Variants in ATG10 observed in about 807,000 individuals in gnomAD.
The protein encoded by ATG10 is ubiquitin-like-conjugating enzyme ATG10.
A neutral mutation model predicts 32.1 loss-of-function variants in ATG10; 30 were observed. The observed-to-expected ratio is 0.94, with a 90% CI of 0.70 to 1.27. The LOEUF (loss-of-function observed/expected upper bound fraction) is 1.27, where lower values mean the gene tolerates loss of function less well. Ranked by LOEUF, ATG10 falls within the 50% of genes most tolerant of loss-of-function variation. The probability of loss-of-function intolerance (pLI) is 0.00; values close to 1 mark genes in which losing one functional copy is unlikely to be tolerated. For synonymous variants in ATG10, 87 were observed against 91.5 expected, an observed-to-expected ratio of 0.95 and a Z score of 0.28; for missense variants, 233 against 262.3, an observed-to-expected ratio of 0.89 and a Z score of 0.77.
chr5:82,189,962 C>T (rs1581785830), intron 5 of ATG10, among the ~76,000 whole-genome samples: 1 of 152,072 alleles, frequency 6.6e-6, no homozygotes, highest in East Asian at 1.9e-4. Flanking sequence ...GATACTTGCT[C>T]CATAGTTAAT....
intron 3 of ATG10, among the ~76,000 whole-genome samples, chr5:82,125,911 G>A (rs943302401): frequency 2.0e-5 from 3 of 152,164 alleles, no homozygotes; most frequent in African/African-American, 7.2e-5. Flanking sequence ...CCATGAGCAT[G>A]GAATGTTTTT....
chr5:82,082,155 G>C (rs4703867), intron 3 of ATG10, among the ~76,000 whole-genome samples: 52,490 of 151,938 alleles, frequency 0.35, 10,416 homozygotes, highest in East Asian at 0.76. Context: ...GAGATTTGGG[G>C]GGGGGGACAC....
intron 3 of ATG10, among the ~76,000 whole-genome samples, chr5:82,110,369 T>C (rs914536547): frequency 2.6e-5 from 4 of 152,088 alleles, no homozygotes; most frequent in African/African-American, 2.4e-5. Flanking sequence ...CCTGAGGCAT[T>C]GCCACACTGT....
chr5:82,198,902 T>C (rs1242156504), intron 5 of ATG10, among the ~76,000 whole-genome samples: 1 of 152,236 alleles, frequency 6.6e-6, no homozygotes, highest in Non-Finnish European at 1.5e-5. Flanking sequence ...GAGCATGATA[T>C]ACAGTAAACA....
chr5:82,211,829 T>C (rs556574825), intron 5 of ATG10, among the ~76,000 whole-genome samples: 1 of 152,350 alleles, frequency 6.6e-6, no homozygotes, highest in South Asian at 2.1e-4. Flanking sequence ...TGTTACCACC[T>C]CCACATCTCA....
intron 2 of ATG10, among the ~76,000 whole-genome samples, chr5:82,003,804 G>A (rs1242182057): frequency 1.3e-5 from 2 of 152,168 alleles, no homozygotes; most frequent in African/African-American, 4.8e-5. Flanking sequence ...CTGATTTGAT[G>A]AGGGAAAGTC....
chr5:82,118,348 TATATAC>T (rs1442759553), intron 3 of ATG10, among the ~76,000 whole-genome samples: 8 of 137,722 alleles, frequency 5.8e-5, no homozygotes, highest in Non-Finnish European at 1.2e-4. Context: ...ATACATATAA[TATATAC>T]ATATATATAC....
In ATG10 at chr5:82,096,559, G is replaced by T. The variant is rs189768770; in HGVS notation, c.216+37957G>T. Among the ~76,000 whole-genome samples, 807 of 152,238 alleles carry T rather than the reference G, an allele frequency of 5.3e-3. 2 individuals are homozygous for T. Among genetic ancestry groups the T allele is most frequent in the Non-Finnish European group, 9.1e-3 (620 of 68,018 alleles). On this transcript the variant is annotated intron_variant, in intron 3 of 7. Transcript: ENST00000282185. ...GATGAGAGCATGGACCAGGCTCTGAGGTATAGAAAGAAGGAGTCCATAGAT... is the reference window on the plus strand; with the variant it reads ...GATGAGAGCATGGACCAGGCTCTGATGTATAGAAAGAAGGAGTCCATAGAT...
At chr5:82,101,425 C>A (rs1403501852) in intron 3 of ATG10, among the ~76,000 whole-genome samples, 2 of 152,014 alleles carry the variant, frequency 1.3e-5, no homozygotes, top group African/African-American at 4.8e-5. Flanking sequence ...TCTTTTTTGG[C>A]CACAACTTGG....
chr5:82,220,628 T>G (rs1561364258), intron 5 of ATG10, among the ~76,000 whole-genome samples: 1 of 149,856 alleles, frequency 6.7e-6, no homozygotes, highest in Non-Finnish European at 1.5e-5. Flanking sequence ...CATCTCTCTC[T>G]CTCTCTCTTT....
chr5:82,220,572 T>A (rs866134977), intron 5 of ATG10, among the ~76,000 whole-genome samples: 11 of 151,946 alleles, frequency 7.2e-5, no homozygotes, highest in South Asian at 6.2e-4. Flanking sequence ...GGATTTTTTT[T>A]AAATCACAAA....
chr5:82,053,226 T>G (rs1213870627), intron 2 of ATG10, among the ~76,000 whole-genome samples: 1 of 152,214 alleles, frequency 6.6e-6, no homozygotes, highest in Non-Finnish European at 1.5e-5. Flanking sequence ...TGCATTTTTC[T>G]TATGGCTAAC....
chr5:82,125,242 T>C (rs1766218162), intron 3 of ATG10, among the ~76,000 whole-genome samples: 1 of 152,228 alleles, frequency 6.6e-6, no homozygotes. Context: ...AGGTTGCCTG[T>C]TCACTCTGAT....
intron 4 of ATG10, among the ~76,000 whole-genome samples, chr5:82,174,063 ATAAT>A (rs1467294493): frequency 6.6e-6 from 1 of 152,202 alleles, no homozygotes; most frequent in Non-Finnish European, 1.5e-5. Context: ...TGCTTTTGAA[ATAAT>A]TAGTCACGAT....
chr5:82,068,714 G>GTA (rs1344186603), intron 3 of ATG10, among the ~76,000 whole-genome samples: 71 of 133,334 alleles, frequency 5.3e-4, no homozygotes, highest in Admixed American at 2.2e-3. Flanking sequence ...TATATATCAA[G>GTA]TATATATATA....
At chr5:82,162,135 A>T (rs1743376841) in intron 3 of ATG10, among the ~76,000 whole-genome samples, 1 of 152,252 alleles carries the variant, frequency 6.6e-6, no homozygotes, top group East Asian at 1.9e-4. Context: ...TGGTGCAGAC[A>T]TATATATTTA....
intron 3 of ATG10, among the ~76,000 whole-genome samples, chr5:82,154,035 A>T (rs1382627073): frequency 6.6e-6 from 1 of 151,802 alleles, no homozygotes; most frequent in Admixed American, 6.6e-5. Flanking sequence ...AAGCGCTGGG[A>T]TTGCAGACAT....
At chr5:82,155,222 A>C (rs1300980323) in intron 3 of ATG10, among the ~76,000 whole-genome samples, 1 of 152,200 alleles carries the variant, frequency 6.6e-6, no homozygotes, top group African/African-American at 2.4e-5. Flanking sequence ...CATTGGATTT[A>C]ATTATCATTG....
rs1373292066 is a variant in ATG10 at position 82,068,676 on chromosome 5, A to G, written c.216+10074A>G. Reference sequence around the variant, plus strand: ...ATATGTTGACTTTATAACCGAATCTAAACTTAAATATATATATATATCTTA... The same window carrying G: ...ATATGTTGACTTTATAACCGAATCTGAACTTAAATATATATATATATCTTA... On this transcript the variant is annotated intron_variant, in intron 3 of 7. Transcript: ENST00000282185. Among the ~76,000 whole-genome samples the G allele has an allele frequency of 4.7e-5, 7 of 147,780 alleles. No individual in the cohort carries two copies. The Admixed American group carries it at 4.8e-4, about 10-fold the overall frequency.
Sources: gnomAD v4.1 joint callset for allele counts (sites outside exome capture counted in the v4.1 genomes callset) on GRCh38, gnomAD v4.1.1 for gene constraint, MANE v1.5 for transcripts, NCBI Gene and HGNC (gene_info 2026-07-23, HGNC 2026-07-21) for gene names.